The following C1QL3 variants were observed in gnomAD, a reference collection of about 807,000 sequenced individuals.
C1QL3 encodes the protein complement C1q-like protein 3.
In C1QL3, 4 loss-of-function variants were observed where a neutral mutation model predicts 16.6. That is an observed-to-expected ratio of 0.24 (90% CI 0.12 to 0.55). The LOEUF is 0.55. Ranked by LOEUF, C1QL3 falls within the 20% of genes least tolerant of loss-of-function variation. The probability of loss-of-function intolerance (pLI) is 0.94; values close to 1 mark genes in which losing one functional copy is unlikely to be tolerated. For missense variants in C1QL3, 269 were observed against 365.6 expected (o/e 0.74, Z 2.16); for synonymous variants, 189 against 160.2 (o/e 1.18, Z -1.36).
Position 16,514,298 on chromosome 10 carries a change from G to A in C1QL3, c.*230C>T, listed in dbSNP as rs1836913941. ...TCATTCACATGGACACTAACGATAAGGAGTATTTGCTTTGGCGGTAGTGGA... is the reference window on the plus strand; with the variant it reads ...TCATTCACATGGACACTAACGATAAAGAGTATTTGCTTTGGCGGTAGTGGA... On this transcript the variant is annotated 3_prime_UTR_variant, in exon 2 of 2. Coordinates refer to ENST00000298943, the MANE Select transcript of C1QL3 (RefSeq NM_001010908.2). 1 of 566,574 alleles carries A rather than the reference G, an allele frequency of 1.8e-6. No individual in the cohort carries two copies. Among genetic ancestry groups the A allele is most frequent in the African/African-American group, 1.9e-5 (1 of 53,202 alleles). The allele number at this position is 566,574 out of a possible 1,614,324, so 35.1% of individuals were successfully genotyped here. A position where few individuals can be genotyped will look rare whatever the true frequency, so the allele number is the denominator to read the frequency against.
rs1361821969 is a variant in C1QL3, at chr10:16,521,727, G to T, written c.-662C>A. The T allele has an allele frequency of 6.5e-6, 1 of 152,942 alleles. No individual in the cohort carries two copies. Among genetic ancestry groups the T allele is most frequent in the Non-Finnish European group, 1.5e-5 (1 of 68,644 alleles). 9.5% of individuals were successfully genotyped at this position (152,942 alleles called of 1,614,324 possible). On this transcript the variant is annotated 5_prime_UTR_variant, in exon 1 of 2. Coordinates refer to ENST00000298943, the MANE Select transcript of C1QL3 (RefSeq NM_001010908.2). ...CGGGCGTCCCCCGGGTGCGCCCAGC[G>T]GCGGCGGCGGCGGGCACGGTCGGCA... is the stretch of plus-strand genomic sequence containing the variant.
chr10:16,515,464 A>C (rs549027436), intron 1 of C1QL3, among the ~76,000 whole-genome samples: 4 of 152,294 alleles, frequency 2.6e-5, no homozygotes, highest in Admixed American at 2.6e-4. Context: ...CTAAATTTTC[A>C]TGCTCTGAGG....
chr10:16,520,453 C>CCA lies in C1QL3; in HGVS notation c.588+24_588+25insTG. The CCA allele has an allele frequency of 4.4e-6, 6 of 1,350,584 alleles. No homozygotes were observed. Among genetic ancestry groups the CCA allele is most frequent in the Non-Finnish European group, 6.1e-6 (6 of 976,872 alleles). 83.7% of individuals were successfully genotyped at this position (1,350,584 alleles called of 1,614,324 possible). ...CACCTTCCCGCGCTCCCTCCCCGCCCTCCCCGCCGCCCGCCCGCGCTCACC... is the reference window on the plus strand; with the variant it reads ...CACCTTCCCGCGCTCCCTCCCCGCCCCATCCCCGCCGCCCGCCCGCGCTCACC... On this transcript the variant is annotated intron_variant, in intron 1 of 1. Coordinates refer to ENST00000298943, the MANE Select transcript of C1QL3 (RefSeq NM_001010908.2). This position sits in a 1 kb window ranked among gnomAD's most constrained non-coding sequence, Gnocchi z 8.3.
chr10:16,514,736 C>A (rs773264940), intron 1 of C1QL3, 29 bp from the exon 2 acceptor site: 17 of 1,545,112 alleles, frequency 1.1e-5, no homozygotes, highest in Non-Finnish European at 1.5e-5. Context: ...AATTAGGATG[C>A]GTAAATGAGA....
At chr10:16,517,263 AT>A (rs1394284124) in intron 1 of C1QL3, among the ~76,000 whole-genome samples, 1 of 152,168 alleles carries the variant, frequency 6.6e-6, no homozygotes, top group Non-Finnish European at 1.5e-5. Flanking sequence ...TTTAGTCCGT[AT>A]TTCTTTAACC....
chr10:16,517,158 T>A (rs1836964381), intron 1 of C1QL3, among the ~76,000 whole-genome samples: 1 of 152,210 alleles, frequency 6.6e-6, no homozygotes, highest in African/African-American at 2.4e-5. Context: ...GGGAATAAGA[T>A]CCATCCTTCC....
Position 16,514,108 on chromosome 10 carries a change from A to G in C1QL3, c.*420T>C, listed in dbSNP as rs186528834. On this transcript the variant is annotated 3_prime_UTR_variant, in exon 2 of 2. Transcript: ENST00000298943. ...GGCAAAAATCATTCTTCCCCACACT[A>G]TGAATGGACTCCAAGTATCATAATA... 49 of 389,328 alleles carry G rather than the reference A, an allele frequency of 1.3e-4. No individual in the cohort carries two copies. The East Asian group carries it at 1.3e-3, about 10-fold the overall frequency. 24.1% of individuals were successfully genotyped at this position (389,328 alleles called of 1,614,324 possible). A position where few individuals can be genotyped will look rare whatever the true frequency, so the allele number is the denominator to read the frequency against.
At chr10:16,516,893 T>A (rs1297636681) in intron 1 of C1QL3, among the ~76,000 whole-genome samples, 1 of 152,190 alleles carries the variant, frequency 6.6e-6, no homozygotes, top group Non-Finnish European at 1.5e-5. Flanking sequence ...CTGTAAGATT[T>A]TAACCTATAC....
Position 16,521,062 on chromosome 10 carries a change from C to T in C1QL3, c.4G>A (p.Val2Met). The T allele has an allele frequency of 6.3e-7, 1 of 1,597,206 alleles. No individual in the cohort carries two copies. Among genetic ancestry groups the T allele is most frequent in the Middle Eastern group, 1.7e-4 (1 of 5,968 alleles). Reference sequence around the variant, plus strand: ...GGGATGAGGATCACCAGCAGCAGCACCATCACCACCCCCAGCGCCCCGGCG... The same window carrying T: ...GGGATGAGGATCACCAGCAGCAGCATCATCACCACCCCCAGCGCCCCGGCG... M[V>M]LLLVILIPVL... Residue 2 changes from valine (V) to methionine (M), a missense_variant, in exon 1 of 2, where the codon GTG becomes ATG. Coordinates refer to ENST00000298943, the MANE Select transcript of C1QL3 (RefSeq NM_001010908.2).
At chr10:16,514,761 T>G (rs1265876935) in intron 1 of C1QL3, 54 bp from the exon 2 acceptor site, 3 of 1,384,552 alleles carry the variant, frequency 2.2e-6, no homozygotes, top group Non-Finnish European at 2.0e-6. Flanking sequence ...TCAAGTTTTC[T>G]TTTTTGCCAT....
Position 16,520,397 on chromosome 10 carries a change from C to A in C1QL3, c.588+81G>T. On this transcript the variant is annotated intron_variant, in intron 1 of 1. Transcript: ENST00000298943. This position sits in a 1 kb window ranked among gnomAD's most constrained non-coding sequence, Gnocchi z 8.3. ...CGCCCTTCCTCCGCGGGCTCCCACC[C>A]CCATTTCCGGGGTCTCCTCCCTCTC... 5 of 1,130,774 alleles carry A rather than the reference C, an allele frequency of 4.4e-6. No individual in the cohort carries two copies. The highest frequency in any genetic ancestry group is 6.2e-6 in the Non-Finnish European group (5 of 811,636). The allele number at this position is 1,130,774 out of a possible 1,614,324, so 70.0% of individuals were successfully genotyped here.
At position 16,521,045 on chromosome 10, in the gene C1QL3, G is replaced by A. The variant is rs1837033877; in HGVS notation, c.21C>T (p.Ile7=). 3.1e-6 allele frequency: 5 copies of A among 1,600,502 alleles called. No individual in the cohort carries two copies. The highest frequency in any genetic ancestry group is 4.2e-6 in the Non-Finnish European group (5 of 1,178,486). MVLLLV[I]LIPVLVSSAG... is the part of the protein sequence containing the mutation. ...CCGAGCTCACCAGCACCGGGATGAG[G>A]ATCACCAGCAGCAGCACCATCACCA... The change falls in exon 1 of 2, where the codon ATC becomes ATT. Residue 7 remains isoleucine (I), a synonymous_variant. Coordinates refer to ENST00000298943, the MANE Select transcript of C1QL3 (RefSeq NM_001010908.2).
intron 1 of C1QL3, among the ~76,000 whole-genome samples, chr10:16,519,232 A>G (rs1487314965): frequency 7.0e-6 from 1 of 142,900 alleles, no homozygotes; most frequent in Non-Finnish European, 1.5e-5. Flanking sequence ...GCTTAACAGA[A>G]ACCTGGGTTA....
intron 1 of C1QL3, among the ~76,000 whole-genome samples, chr10:16,519,704 G>GC (rs1350655940): frequency 2.0e-5 from 3 of 152,014 alleles, no homozygotes; most frequent in East Asian, 1.9e-4. Flanking sequence ...CGAACCGGTC[G>GC]CCCCCCAGGC....
Position 16,520,867 on chromosome 10 carries a change from C to A in C1QL3, c.199G>T (p.Gly67Cys), listed in dbSNP as rs1406262862. ...CGCGGACCCGCCTTCCCGGGCCTGC[C>A]GGCCTCGCCTTTGGGGCCCTGGATG... ...TFIQGPKGEA[G>C]RPGKAGPRGP... Residue 67 changes from glycine to cysteine, a missense_variant, in exon 1 of 2, where the codon GGC becomes TGC. Around this residue, in one of 2 missense-constraint regions of C1QL3, gnomAD observed 246 missense variants for 297.2 expected, o/e 0.83. Coordinates refer to ENST00000298943, the MANE Select transcript of C1QL3 (RefSeq NM_001010908.2). This position sits in a 1 kb window ranked among gnomAD's most constrained non-coding sequence, Gnocchi z 8.3. 6 of 1,464,282 alleles carry A rather than the reference C, an allele frequency of 4.1e-6. No individual in the cohort carries two copies. The highest frequency in any genetic ancestry group is 5.4e-6 in the Non-Finnish European group (6 of 1,111,788). The allele number at this position is 1,464,282 out of a possible 1,614,324, so 90.7% of individuals were successfully genotyped here.
Position 16,520,367 on chromosome 10 carries a change from C to A in C1QL3, c.588+111G>T, listed in dbSNP as rs1300087399. 2 of 856,696 alleles carry A rather than the reference C, an allele frequency of 2.3e-6. No individual in the cohort carries two copies. Among genetic ancestry groups the A allele is most frequent in the Non-Finnish European group, 1.7e-6 (1 of 571,950 alleles). The allele number at this position is 856,696 out of a possible 1,614,324, so 53.1% of individuals were successfully genotyped here. ...TTGCCGTCGCTCCAGGGAGCCCGGC[C>A]GCCGCGCCCTTCCTCCGCGGGCTCC... is the stretch of plus-strand genomic sequence containing the variant. On this transcript the variant is annotated intron_variant, in intron 1 of 1. Coordinates refer to ENST00000298943, the MANE Select transcript of C1QL3 (RefSeq NM_001010908.2). This position sits in a 1 kb window ranked among gnomAD's most constrained non-coding sequence, Gnocchi z 8.3.
chr10:16,520,373 G>A lies in C1QL3; in HGVS notation c.588+105C>T. 1.1e-6 allele frequency: 1 copy of A among 891,050 alleles called. No individual in the cohort carries two copies. The highest frequency in any genetic ancestry group is 1.7e-6 in the Non-Finnish European group (1 of 604,408). The allele number at this position is 891,050 out of a possible 1,614,324, so 55.2% of individuals were successfully genotyped here. A position where few individuals can be genotyped will look rare whatever the true frequency, so the allele number is the denominator to read the frequency against. ...TCGCTCCAGGGAGCCCGGCCGCCGCGCCCTTCCTCCGCGGGCTCCCACCCC... is the reference window on the plus strand; with the variant it reads ...TCGCTCCAGGGAGCCCGGCCGCCGCACCCTTCCTCCGCGGGCTCCCACCCC... On this transcript the variant is annotated intron_variant, in intron 1 of 1. Coordinates refer to ENST00000298943, the MANE Select transcript of C1QL3 (RefSeq NM_001010908.2). The surrounding 1 kb of genome is among the most constrained non-coding windows in gnomAD (Gnocchi z 8.3).
In C1QL3 at chr10:16,520,436, C is replaced by G; in HGVS notation, c.588+42G>C. On this transcript the variant is annotated intron_variant, in intron 1 of 1. Transcript: ENST00000298943. This position sits in a 1 kb window ranked among gnomAD's most constrained non-coding sequence, Gnocchi z 8.3. ...CTCCTCCCTCTCGCCCGCACCTTCCCGCGCTCCCTCCCCGCCCTCCCCGCC... is the reference window on the plus strand; with the variant it reads ...CTCCTCCCTCTCGCCCGCACCTTCCGGCGCTCCCTCCCCGCCCTCCCCGCC... The G allele has an allele frequency of 2.9e-6, 4 of 1,369,894 alleles. 1 individual carries two copies. The South Asian group carries it at 5.4e-5, about 18-fold the overall frequency. The allele number at this position is 1,369,894 out of a possible 1,614,324, so 84.9% of individuals were successfully genotyped here.
chr10:16,517,958 T>C (rs935409039), intron 1 of C1QL3, among the ~76,000 whole-genome samples: 2 of 152,202 alleles, frequency 1.3e-5, no homozygotes, highest in African/African-American at 4.8e-5. Context: ...TCTCATATGG[T>C]TACAGTCCAG....
Sources: allele counts gnomAD v4.1 joint callset (sites outside exome capture counted in the v4.1 genomes callset), GRCh38; gene constraint gnomAD v4.1.1; regional missense constraint gnomAD v4.1.1; non-coding constraint Gnocchi (gnomAD v3.1); transcripts MANE v1.5; gene names NCBI Gene and HGNC (gene_info 2026-07-23, HGNC 2026-07-21).